Variants in ATXN10 observed in about 807,000 individuals in gnomAD.
ATXN10 encodes the protein ataxin-10.
In ATXN10, 28 loss-of-function variants were observed where a neutral mutation model predicts 52.9. The observed-to-expected ratio is 0.53, with a 90% CI of 0.39 to 0.73. The LOEUF is 0.73. ATXN10 is among the 30% of genes least tolerant of loss of function. The pLI, the probability that ATXN10 is intolerant of heterozygous loss-of-function variation, is 0.00. For missense variants in ATXN10, 565 were observed against 577.0 expected, an observed-to-expected ratio of 0.98 and a Z score of 0.21; for synonymous variants, 226 against 221.5, an observed-to-expected ratio of 1.02 and a Z score of -0.18.
In ATXN10 at chr22:45,683,853, A is replaced by T. The variant is rs956600042; in HGVS notation, c.117-5859A>T. 2.0e-5 allele frequency among the ~76,000 whole-genome samples: 3 copies of T among 152,178 alleles called. No individual in the cohort carries two copies. The highest frequency in any genetic ancestry group is 7.2e-5 in the African/African-American group (3 of 41,442). ...GATAGATGCCATTTACCAAGTTACCATGTATACACAGTTCTGCTCTTGGGC... is the reference window on the plus strand; with the variant it reads ...GATAGATGCCATTTACCAAGTTACCTTGTATACACAGTTCTGCTCTTGGGC... On this transcript the variant is annotated intron_variant, in intron 1 of 11. Transcript: ENST00000252934. The surrounding 1 kb of genome is among the most constrained non-coding windows in gnomAD (Gnocchi z 4.8).
At chr22:45,808,970 T>C (rs1272461352) in intron 10 of ATXN10, among the ~76,000 whole-genome samples, 1 of 152,244 alleles carries the variant, frequency 6.6e-6, no homozygotes, top group Admixed American at 6.5e-5. Context: ...GTTATGTGTA[T>C]TCAGTAATTC....
chr22:45,789,475 A>C lies in ATXN10; in HGVS notation c.1174-17484A>C, dbSNP rs1322113929. Among the ~76,000 whole-genome samples, 7 of 152,206 alleles carry C rather than the reference A, an allele frequency of 4.6e-5. No individual in the cohort carries two copies. Among genetic ancestry groups the C allele is most frequent in the Admixed American group, 2.0e-4 (3 of 15,288 alleles). ...TGAAAGCCCCAGAGTCTAATGAAAGAGTGAGACAAGCAAACAAATAGCTGC... is the reference window on the plus strand; with the variant it reads ...TGAAAGCCCCAGAGTCTAATGAAAGCGTGAGACAAGCAAACAAATAGCTGC... On this transcript the variant is annotated intron_variant, in intron 9 of 11. Coordinates refer to ENST00000252934, the MANE Select transcript of ATXN10 (RefSeq NM_013236.4). This position sits in a 1 kb window ranked among gnomAD's most constrained non-coding sequence, Gnocchi z 4.0.
At position 45,823,037 on chromosome 22, in the gene ATXN10, G is replaced by A. The variant is rs752739924; in HGVS notation, c.1237+16015G>A. 49 of 338,996 alleles carry A rather than the reference G, an allele frequency of 1.4e-4. No individual in the cohort carries two copies. The highest frequency in any genetic ancestry group is 2.5e-4 in the Non-Finnish European group (41 of 162,760). 21.0% of individuals were successfully genotyped at this position (338,996 alleles called of 1,614,324 possible). On this transcript the variant is annotated intron_variant, in intron 10 of 11. Coordinates refer to ENST00000252934, the MANE Select transcript of ATXN10 (RefSeq NM_013236.4). The surrounding 1 kb of genome is among the most constrained non-coding windows in gnomAD (Gnocchi z 4.9). ...CATCTTTGTTCTTACTTTCCTCATG[G>A]TGTCTTATTATTTCATTGAGGTATA...
chr22:45,721,461 G>A (rs1396981853), intron 6 of ATXN10, among the ~76,000 whole-genome samples: 1 of 152,130 alleles, frequency 6.6e-6, no homozygotes, highest in Admixed American at 6.5e-5. Flanking sequence ...GGCATGTAAT[G>A]GTCACCCCCG....
intron 10 of ATXN10, among the ~76,000 whole-genome samples, chr22:45,832,589 A>G (rs1021367191): frequency 3.3e-5 from 5 of 152,256 alleles, no homozygotes; most frequent in African/African-American, 1.2e-4. Context: ...GGACTGGACT[A>G]TCCTGTTAGC....
In ATXN10 at chr22:45,693,052, G is replaced by A. The variant is rs766423755; in HGVS notation, c.365G>A (p.Arg122Gln). ...VDLILLFREL[R>Q]VEQESLLTAF... is the part of the protein sequence containing the mutation. ...TTGATTCTTCTGTTTCGTGAACTGC[G>A]AGTGGAACAGGAATCTCTGTTGACA... The change falls in exon 3 of 12, where the codon CGA (arginine) becomes CAA (glutamine). Residue 122 changes from arginine (R) to glutamine (Q), a missense_variant. Arg to Gln is a conservative substitution (Grantham distance 43). Coordinates refer to ENST00000252934, the MANE Select transcript of ATXN10 (RefSeq NM_013236.4). 9.3e-6 allele frequency: 15 copies of A among 1,613,832 alleles called. No individual in the cohort carries two copies. Among genetic ancestry groups the A allele is most frequent in the Non-Finnish European group, 1.3e-5 (15 of 1,179,904 alleles).
chr22:45,712,116 G>A lies in ATXN10; in HGVS notation c.648-6297G>A, dbSNP rs1443054017. Reference sequence around the variant, plus strand: ...TTGAGGCATGCAAGTGGCTCTTTTTGGGTCACATTGTCATCCCTGGGGCAG... The same window carrying A: ...TTGAGGCATGCAAGTGGCTCTTTTTAGGTCACATTGTCATCCCTGGGGCAG... On this transcript the variant is annotated intron_variant, in intron 5 of 11. Transcript: ENST00000252934. The surrounding 1 kb of genome is among the most constrained non-coding windows in gnomAD (Gnocchi z 4.6). Among the ~76,000 whole-genome samples, 1 of 152,152 alleles carries A rather than the reference G, an allele frequency of 6.6e-6. No homozygotes were observed. Among genetic ancestry groups the A allele is most frequent in the African/African-American group, 2.4e-5 (1 of 41,430 alleles).
At position 45,789,315 on chromosome 22, in the gene ATXN10, A is replaced by G. The variant is rs909665624; in HGVS notation, c.1174-17644A>G. 5.3e-5 allele frequency among the ~76,000 whole-genome samples: 8 copies of G among 152,234 alleles called. No homozygotes were observed. In the East Asian group the frequency reaches 1.5e-3, roughly 29 times the overall value. On this transcript the variant is annotated intron_variant, in intron 9 of 11. Coordinates refer to ENST00000252934, the MANE Select transcript of ATXN10 (RefSeq NM_013236.4). The surrounding 1 kb of genome is among the most constrained non-coding windows in gnomAD (Gnocchi z 4.0). The stretch of plus-strand genomic sequence containing the variant: ...TTCATTCAGTACGTATCTGTTGGTT[A>G]TATTTGGACCCTGCAAGGGTGGAAG...
chr22:45,763,591 AC>A lies in ATXN10; in HGVS notation c.1173+23055del, dbSNP rs1207629216. Among the ~76,000 whole-genome samples, 3 of 149,138 alleles carry A rather than the reference AC, an allele frequency of 2.0e-5. No individual in the cohort carries two copies. Among genetic ancestry groups the A allele is most frequent in the Non-Finnish European group, 4.5e-5 (3 of 67,118 alleles). On this transcript the variant is annotated intron_variant, in intron 9 of 11. Transcript: ENST00000252934. The surrounding 1 kb of genome is among the most constrained non-coding windows in gnomAD (Gnocchi z 6.9). ...AAAGTCGGACCCCACCACGCCCCCC[AC>A]CTCTCTGTCCCTGCTCTTTGGGCCC... is the stretch of plus-strand genomic sequence containing the variant.
intron 9 of ATXN10, among the ~76,000 whole-genome samples, chr22:45,756,967 C>A (rs181970207): frequency 4.6e-5 from 7 of 152,298 alleles, no homozygotes; most frequent in Admixed American, 4.6e-4. Context: ...GTGTGAATCC[C>A]ACTCCATCAG....
At chr22:45,698,227 C>G (rs1601594328) in intron 3 of ATXN10, among the ~76,000 whole-genome samples, 1 of 152,116 alleles carries the variant, frequency 6.6e-6, no homozygotes, top group Non-Finnish European at 1.5e-5. Context: ...CAGACTTTTC[C>G]ATAGCAGCTG....
Position 45,733,346 on chromosome 22 carries a change from T to G in ATXN10, c.894+3756T>G, listed in dbSNP as rs1925160125. 6.6e-6 allele frequency among the ~76,000 whole-genome samples: 1 copy of G among 152,354 alleles called. No individual in the cohort carries two copies. Among genetic ancestry groups the G allele is most frequent in the African/African-American group, 2.4e-5 (1 of 41,586 alleles). On this transcript the variant is annotated intron_variant, in intron 7 of 11. Transcript: ENST00000252934. The surrounding 1 kb of genome is among the most constrained non-coding windows in gnomAD (Gnocchi z 4.4). ...ATATTCTACAATAAATAGTGTATTTTTTCCACATATTAAGGGCTTAAATTT... is the reference window on the plus strand; with the variant it reads ...ATATTCTACAATAAATAGTGTATTTGTTCCACATATTAAGGGCTTAAATTT...
At chr22:45,830,878 A>G (rs1928970212) in intron 10 of ATXN10, among the ~76,000 whole-genome samples, 1 of 152,226 alleles carries the variant, frequency 6.6e-6, no homozygotes, top group Non-Finnish European at 1.5e-5. Context: ...ACCCGAAAGA[A>G]TTGAGAGTAG....
chr22:45,842,270 C>T lies in ATXN10; in HGVS notation c.1238-721C>T, dbSNP rs1929370070. Among the ~76,000 whole-genome samples, 1 of 152,144 alleles carries T rather than the reference C, an allele frequency of 6.6e-6. No individual in the cohort carries two copies. Among genetic ancestry groups the T allele is most frequent in the African/African-American group, 2.4e-5 (1 of 41,432 alleles). On this transcript the variant is annotated intron_variant, in intron 10 of 11. Coordinates refer to ENST00000252934, the MANE Select transcript of ATXN10 (RefSeq NM_013236.4). The surrounding 1 kb of genome is among the most constrained non-coding windows in gnomAD (Gnocchi z 4.8). Reference sequence around the variant, plus strand: ...GCTCTTGGTGATTAAATCAAATGCCCTACTCAGTGATGTGGCGATGCTATC... The same window carrying T: ...GCTCTTGGTGATTAAATCAAATGCCTTACTCAGTGATGTGGCGATGCTATC...
chr22:45,746,966 C>G lies in ATXN10; in HGVS notation c.1173+6428C>G, dbSNP rs529174831. The stretch of plus-strand genomic sequence containing the variant: ...CAGCAGAACTGTGACATATGAAACA[C>G]TTTATTTGGGTATCACTCAATTTTA... On this transcript the variant is annotated intron_variant, in intron 9 of 11. Coordinates refer to ENST00000252934, the MANE Select transcript of ATXN10 (RefSeq NM_013236.4). 5.9e-5 allele frequency among the ~76,000 whole-genome samples: 9 copies of G among 152,306 alleles called. No homozygotes were observed. In the East Asian group the frequency reaches 1.7e-3, roughly 29 times the overall value.
intron 9 of ATXN10, among the ~76,000 whole-genome samples, chr22:45,749,719 G>T (rs991884872): frequency 6.6e-6 from 1 of 151,920 alleles, no homozygotes; most frequent in African/African-American, 2.4e-5. Context: ...GTGCCACCAT[G>T]CCCGACTACT....
chr22:45,739,824 G>T (rs1217272101), intron 8 of ATXN10, among the ~76,000 whole-genome samples: 2 of 152,204 alleles, frequency 1.3e-5, no homozygotes, highest in Non-Finnish European at 2.9e-5. Flanking sequence ...TGGCTGCCTG[G>T]AGGTGCTCAT....
intron 6 of ATXN10, among the ~76,000 whole-genome samples, chr22:45,722,323 C>G (rs537988898): frequency 6.6e-6 from 1 of 152,206 alleles, no homozygotes; most frequent in South Asian, 2.1e-4. Flanking sequence ...TAGGGAGACC[C>G]GTATACCAGA....
rs1164868423 is a variant in ATXN10, at chr22:45,816,322, G to C, written c.1237+9300G>C. Among the ~76,000 whole-genome samples the C allele has an allele frequency of 6.6e-6, 1 of 152,186 alleles. No homozygotes were observed. Among genetic ancestry groups the C allele is most frequent in the African/African-American group, 2.4e-5 (1 of 41,438 alleles). Reference sequence around the variant, plus strand: ...TCTTAGATCATAATCAGGAGAAAGTGCTGAGCACTGAGATAGTAGCTCCTT... The same window carrying C: ...TCTTAGATCATAATCAGGAGAAAGTCCTGAGCACTGAGATAGTAGCTCCTT... On this transcript the variant is annotated intron_variant, in intron 10 of 11. Coordinates refer to ENST00000252934, the MANE Select transcript of ATXN10 (RefSeq NM_013236.4). This position sits in a 1 kb window ranked among gnomAD's most constrained non-coding sequence, Gnocchi z 5.8.
Sources: allele counts gnomAD v4.1 joint callset (sites outside exome capture counted in the v4.1 genomes callset), GRCh38; gene constraint gnomAD v4.1.1; non-coding constraint Gnocchi (gnomAD v3.1); transcripts MANE v1.5; gene names NCBI Gene and HGNC (gene_info 2026-07-23, HGNC 2026-07-21).